DENND1B: variants seen among roughly 807,000 people sequenced by gnomAD.
DENND1B encodes DENN domain containing 1B.
DENND1B carries 59 observed loss-of-function variants against 90.1 expected under a neutral mutation model. The observed-to-expected ratio is 0.65, with a 90% CI of 0.53 to 0.81. The LOEUF is 0.81. DENND1B is among the 40% of genes least tolerant of loss of function. The pLI, the probability that DENND1B is intolerant of heterozygous loss-of-function variation, is 0.00. For missense variants in DENND1B, 862 were observed against 912.6 expected, an observed-to-expected ratio of 0.94 and a Z score of 0.71; for synonymous variants, 337 against 324.6, an observed-to-expected ratio of 1.04 and a Z score of -0.41.
chr1:197,590,355 T>G (rs1192383552), intron 14 of DENND1B, among the ~76,000 whole-genome samples: 1 of 152,170 alleles, frequency 6.6e-6, no homozygotes, highest in Non-Finnish European at 1.5e-5. Flanking sequence ...CAGAGTCTTG[T>G]GCTCTTACCG....
chr1:197,567,251 A>T (rs1044271426), intron 15 of DENND1B, among the ~76,000 whole-genome samples: 1 of 152,134 alleles, frequency 6.6e-6, no homozygotes, highest in Non-Finnish European at 1.5e-5. Flanking sequence ...ATACACCAAC[A>T]AATTGAATAA....
At chr1:197,715,471 A>G (rs571953916) in intron 2 of DENND1B, among the ~76,000 whole-genome samples, 2 of 152,008 alleles carry the variant, frequency 1.3e-5, no homozygotes, top group Admixed American at 1.3e-4. Context: ...CAAGTATGTA[A>G]TAAAATATAT....
chr1:197,597,952 A>C (rs1675858402), intron 13 of DENND1B, among the ~76,000 whole-genome samples: 1 of 151,878 alleles, frequency 6.6e-6, no homozygotes. Context: ...ATTTGGAAGC[A>C]ATAATATTTA....
intron 15 of DENND1B, among the ~76,000 whole-genome samples, chr1:197,560,870 T>G (rs1228739930): frequency 6.6e-6 from 1 of 151,892 alleles, no homozygotes; most frequent in Non-Finnish European, 1.5e-5. Flanking sequence ...TGACGATCTT[T>G]CTTCCTAATT....
intron 2 of DENND1B, among the ~76,000 whole-genome samples, chr1:197,716,374 GAAT>G (rs1311926214): frequency 1.3e-5 from 2 of 151,138 alleles, no homozygotes; most frequent in Admixed American, 1.3e-4. Context: ...TCTTATATAA[GAAT>G]AATACATTAC....
At chr1:197,677,448 T>C (rs922074210) in intron 3 of DENND1B, among the ~76,000 whole-genome samples, 3 of 152,176 alleles carry the variant, frequency 2.0e-5, no homozygotes, top group Admixed American at 1.3e-4. Flanking sequence ...GGCAGCACCA[T>C]CTACCTAGTT....
chr1:197,574,318 T>G (rs1224585396), intron 15 of DENND1B, among the ~76,000 whole-genome samples: 1 of 152,070 alleles, frequency 6.6e-6, no homozygotes, highest in Non-Finnish European at 1.5e-5. Context: ...GAGAGCCAAA[T>G]CATGAGTGAA....
At chr1:197,772,820 C>CA (rs776991012) in intron 2 of DENND1B, 48 bp downstream of exon 2, 810 of 1,417,182 alleles carry the variant, frequency 5.7e-4, no homozygotes, top group Non-Finnish European at 6.2e-4. Flanking sequence ...AGATCTTGTC[C>CA]CAAAAAAAAG....
intron 12 of DENND1B, among the ~76,000 whole-genome samples, chr1:197,609,515 A>T (rs1676994954): frequency 6.6e-6 from 1 of 150,622 alleles, no homozygotes; most frequent in African/African-American, 2.4e-5. Context: ...AGGCAGAACA[A>T]AATGTCTTTA....
chr1:197,555,251 T>G (rs987924473), intron 15 of DENND1B, among the ~76,000 whole-genome samples: 1 of 148,374 alleles, frequency 6.7e-6, no homozygotes, highest in Non-Finnish European at 1.5e-5. Context: ...AAGAAAACCT[T>G]TCTTCCTAGA....
intron 2 of DENND1B, among the ~76,000 whole-genome samples, chr1:197,756,011 TA>T (rs1274347346): frequency 2.6e-5 from 4 of 152,052 alleles, no homozygotes; most frequent in Non-Finnish European, 5.9e-5. Context: ...ACATAGAGAA[TA>T]AAAAATCTGT....
intron 5 of DENND1B, among the ~76,000 whole-genome samples, chr1:197,659,460 G>A (rs1040561251): frequency 1.1e-4 from 17 of 151,848 alleles, no homozygotes; most frequent in Non-Finnish European, 1.6e-4. Flanking sequence ...CAAATACTAC[G>A]TAATGATATG....
intron 3 of DENND1B, among the ~76,000 whole-genome samples, chr1:197,683,983 C>T (rs1370844779): frequency 1.3e-5 from 2 of 152,096 alleles, no homozygotes; most frequent in Admixed American, 6.6e-5. Context: ...TCGGAGGTGC[C>T]CTAGGGCCTA....
At chr1:197,664,036 G>T (rs1281866590) in intron 5 of DENND1B, among the ~76,000 whole-genome samples, 1 of 151,482 alleles carries the variant, frequency 6.6e-6, no homozygotes, top group Non-Finnish European at 1.5e-5. Flanking sequence ...CACAGAGAGA[G>T]AGATAAAAAA....
At chr1:197,523,351 C>T (rs950924418) in intron 20 of DENND1B, among the ~76,000 whole-genome samples, 5 of 152,024 alleles carry the variant, frequency 3.3e-5, no homozygotes, top group African/African-American at 4.8e-5. Context: ...AGAAAAGCCT[C>T]GGCCACCTAA....
chr1:197,650,109 C>CCCTG (rs1432687349), intron 7 of DENND1B, among the ~76,000 whole-genome samples: 1 of 152,088 alleles, frequency 6.6e-6, no homozygotes, highest in African/African-American at 2.4e-5. Flanking sequence ...AAAAGCTTAA[C>CCCTG]ATCACTAATG....
intron 7 of DENND1B, among the ~76,000 whole-genome samples, chr1:197,651,935 G>A (rs1031511320): frequency 1.3e-5 from 2 of 151,918 alleles, no homozygotes; most frequent in Admixed American, 1.3e-4. Context: ...GATTACACTA[G>A]CATGAGCCAC....
chr1:197,582,530 A>C (rs904154637), intron 15 of DENND1B, among the ~76,000 whole-genome samples: 2 of 152,222 alleles, frequency 1.3e-5, no homozygotes, highest in Non-Finnish European at 2.9e-5. Context: ...AGAAACTAAG[A>C]CAACCCAATT....
At chr1:197,657,198 A>G (rs1653926997) in intron 6 of DENND1B, among the ~76,000 whole-genome samples, 1 of 152,212 alleles carries the variant, frequency 6.6e-6, no homozygotes, top group Non-Finnish European at 1.5e-5. Context: ...ATTTGAATAT[A>G]TGAAGGACTC....
Sources: gnomAD v4.1 joint callset for allele counts (sites outside exome capture counted in the v4.1 genomes callset) on GRCh38, gnomAD v4.1.1 for gene constraint, MANE v1.5 for transcripts, NCBI Gene and HGNC (gene_info 2026-07-23, HGNC 2026-07-21) for gene names.